The following MANBA variants were observed in gnomAD, a reference collection of about 807,000 sequenced individuals.
MANBA encodes the protein beta-mannosidase.
Under a neutral mutation model 111.1 loss-of-function variants are expected in MANBA, and 83 were observed. The observed-to-expected ratio is 0.75, with a 90% CI of 0.63 to 0.90. The LOEUF (loss-of-function observed/expected upper bound fraction) is 0.90. MANBA is among the 40% of genes least tolerant of loss of function. The probability of loss-of-function intolerance (pLI) is 0.00; values close to 1 mark genes in which losing one functional copy is unlikely to be tolerated. For missense variants in MANBA, 1,036 were observed against 1,069.0 expected (o/e 0.97, Z 0.43); for synonymous variants, 370 against 378.7 (o/e 0.98, Z 0.27).
chr4:102,707,229 A>G (rs1733339452), intron 5 of MANBA, among the ~76,000 whole-genome samples: 1 of 152,224 alleles, frequency 6.6e-6, no homozygotes, highest in Non-Finnish European at 1.5e-5. Flanking sequence ...CTAACAGCAG[A>G]TCAGATTTTT....
intron 1 of MANBA, chr4:102,728,503 G>C: frequency 2.6e-6 from 1 of 380,014 alleles, no homozygotes. Context: ...AAAAAAACAG[G>C]TAACTATAAG....
At chr4:102,663,776 T>G (rs551682467) in intron 11 of MANBA, among the ~76,000 whole-genome samples, 2 of 152,342 alleles carry the variant, frequency 1.3e-5, no homozygotes, top group Admixed American at 1.3e-4. Flanking sequence ...TTAAATCACA[T>G]GTTAAACAAA....
In MANBA at chr4:102,632,291, A is replaced by T. The variant is rs370291117; in HGVS notation, c.2416-10T>A. 2 of 237,878 alleles carry T rather than the reference A, an allele frequency of 8.4e-6. No homozygotes were observed. The highest frequency in any genetic ancestry group is 1.1e-5 in the Non-Finnish European group (2 of 175,170). The allele number at this position is 237,878 out of a possible 1,614,324, so 14.7% of individuals were successfully genotyped here. A position where few individuals can be genotyped will look rare whatever the true frequency, so the allele number is the denominator to read the frequency against. ...GCTGAGAGATGATGGCCTGAAAAAG[A>T]AAAAAAAAAATGAATGAAGTGAAGG... On this transcript the variant is annotated splice_polypyrimidine_tract_variant and intron_variant, in intron 16 of 16. Transcript: ENST00000647097.
chr4:102,650,409 GA>G (rs2110202930), intron 13 of MANBA, 127 bp downstream of exon 13: 2 of 975,156 alleles, frequency 2.1e-6, no homozygotes, highest in East Asian at 4.9e-5. Flanking sequence ...GTTCTTTGAA[GA>G]AAATAAATTC....
chr4:102,697,514 C>G (rs1190554718), intron 5 of MANBA, among the ~76,000 whole-genome samples: 3 of 120,312 alleles, frequency 2.5e-5, no homozygotes, highest in Non-Finnish European at 5.0e-5. Flanking sequence ...CCCCTCCCCC[C>G]ACCCCACAAC....
At chr4:102,729,824 G>C (rs146658442) in intron 1 of MANBA, 7 of 1,277,534 alleles carry the variant, frequency 5.5e-6, no homozygotes, top group Admixed American at 3.4e-5. Flanking sequence ...CCAGCATCTT[G>C]TTCTACTGCT....
intron 1 of MANBA, among the ~76,000 whole-genome samples, chr4:102,759,492 T>C (rs572889168): frequency 6.6e-6 from 1 of 151,748 alleles, no homozygotes; most frequent in South Asian, 2.1e-4. Context: ...TTGGGAATGA[T>C]CTACTCTAAA....
At chr4:102,664,990 T>C in intron 10 of MANBA, 138 bp from the exon 11 acceptor site, 2 of 651,012 alleles carry the variant, frequency 3.1e-6, no homozygotes, top group East Asian at 5.5e-5. Flanking sequence ...TGAAAATGGC[T>C]AGTCATGTTA....
At chr4:102,714,080 A>G (rs2110273187) in intron 5 of MANBA, among the ~76,000 whole-genome samples, 1 of 152,256 alleles carries the variant, frequency 6.6e-6, no homozygotes, top group East Asian at 1.9e-4. Flanking sequence ...GTGTGAGCAA[A>G]GCAAGAATTT....
At chr4:102,682,255 T>C (rs1732020998) in intron 7 of MANBA, among the ~76,000 whole-genome samples, 1 of 151,986 alleles carries the variant, frequency 6.6e-6, no homozygotes, top group Non-Finnish European at 1.5e-5. Flanking sequence ...ATGTATATTA[T>C]TAACATTCAA....
At chr4:102,659,320 C>T (rs570655052) in intron 11 of MANBA, among the ~76,000 whole-genome samples, 2 of 152,286 alleles carry the variant, frequency 1.3e-5, no homozygotes, top group East Asian at 1.9e-4. Flanking sequence ...TACAGAAGGC[C>T]AGTAAGCCTT....
intron 4 of MANBA, among the ~76,000 whole-genome samples, chr4:102,719,707 A>G (rs1330569789): frequency 1.3e-5 from 2 of 152,236 alleles, no homozygotes; most frequent in East Asian, 1.9e-4. Context: ...TTATTTCACT[A>G]TATCTTCATA....
chr4:102,635,747 T>C, intron 15 of MANBA, 118 bp downstream of exon 15: 1 of 1,048,306 alleles, frequency 9.5e-7, no homozygotes. Flanking sequence ...AGCCTGAATA[T>C]ATGTATTCTA....
At position 102,630,980 on chromosome 4, in the gene MANBA, C is replaced by T. The variant is rs1578851650; in HGVS notation, c.*1077G>A. 6.6e-6 allele frequency: 1 copy of T among 152,180 alleles called. No individual in the cohort carries two copies. Among genetic ancestry groups the T allele is most frequent in the Non-Finnish European group, 1.5e-5 (1 of 68,038 alleles). The allele number at this position is 152,180 out of a possible 1,614,324, so 9.4% of individuals were successfully genotyped here. A position where few individuals can be genotyped will look rare whatever the true frequency, so the allele number is the denominator to read the frequency against. ...CACAGGTGTCAAGAAGAGCAGTCCT[C>T]CCTGCCTCGCAGCAATGCTTTGCTA... On this transcript the variant is annotated 3_prime_UTR_variant, in exon 17 of 17. Transcript: ENST00000647097.
chr4:102,687,492 C>T (rs1732270149), intron 7 of MANBA, among the ~76,000 whole-genome samples: 1 of 152,162 alleles, frequency 6.6e-6, no homozygotes, highest in Admixed American at 6.6e-5. Context: ...TGTTCTTCAA[C>T]TTCAAACTCA....
intron 5 of MANBA, among the ~76,000 whole-genome samples, chr4:102,710,710 T>C (rs749726327): frequency 6.6e-6 from 1 of 151,672 alleles, no homozygotes; most frequent in Non-Finnish European, 1.5e-5. Flanking sequence ...ACCAAAGCAA[T>C]CCTGAGTCAA....
chr4:102,659,698 A>G lies in MANBA; in HGVS notation c.1486-1798T>C, dbSNP rs920803348. On this transcript the variant is annotated intron_variant, in intron 11 of 16. Transcript: ENST00000647097. ...CTGACATTCATTTCCTGATCATTTC[A>G]CTCCACTGAAATGTTTTTCAAAAAT... Among the ~76,000 whole-genome samples, 5 of 151,914 alleles carry G rather than the reference A, an allele frequency of 3.3e-5. No individual in the cohort carries two copies. In the South Asian group the frequency reaches 6.2e-4, roughly 19 times the overall value.
At chr4:102,656,287 C>G (rs977359759) in intron 12 of MANBA, among the ~76,000 whole-genome samples, 1 of 151,834 alleles carries the variant, frequency 6.6e-6, no homozygotes, top group African/African-American at 2.4e-5. Context: ...AGGATTTGAA[C>G]AGACATTTCT....
At chr4:102,692,007 G>A (rs1732498075) in intron 5 of MANBA, among the ~76,000 whole-genome samples, 1 of 152,152 alleles carries the variant, frequency 6.6e-6, no homozygotes, top group Non-Finnish European at 1.5e-5. Flanking sequence ...TTGAAAAGTT[G>A]AGCACGGTCC....
Sources: allele counts gnomAD v4.1 joint callset (sites outside exome capture counted in the v4.1 genomes callset), GRCh38; gene constraint gnomAD v4.1.1; transcripts MANE v1.5; gene names NCBI Gene and HGNC (gene_info 2026-07-23, HGNC 2026-07-21).